The following GLCCI1 variants were observed in gnomAD, a reference collection of about 807,000 sequenced individuals.
The protein encoded by GLCCI1 is glucocorticoid-induced transcript 1 protein.
A neutral mutation model predicts 52.2 loss-of-function variants in GLCCI1; 24 were observed. The ratio of observed to expected loss-of-function variants is 0.46; its 90% CI spans 0.33 to 0.65. The LOEUF (loss-of-function observed/expected upper bound fraction) is 0.65. GLCCI1 is among the 30% of genes least tolerant of loss of function. The pLI is 0.02. For missense variants in GLCCI1, 704 were observed against 701.5 expected (o/e 1.00, Z -0.04); for synonymous variants, 310 against 276.5 (o/e 1.12, Z -1.20).
intron 1 of GLCCI1, chr7:7,980,481 A>G (rs541774678): frequency 3.1e-6 from 1 of 326,172 alleles, no homozygotes; most frequent in African/African-American, 2.1e-5. Flanking sequence ...ATTTCTTGAG[A>G]TATTACAAAA....
At chr7:7,998,291 A>G (rs1417803029) in intron 1 of GLCCI1, among the ~76,000 whole-genome samples, 1 of 151,696 alleles carries the variant, frequency 6.6e-6, no homozygotes, top group African/African-American at 2.4e-5. Context: ...ATCTTGGCTC[A>G]CTGAAACCTC....
chr7:8,023,261 C>A (rs372541746), intron 3 of GLCCI1, among the ~76,000 whole-genome samples: 4 of 152,110 alleles, frequency 2.6e-5, no homozygotes, highest in African/African-American at 9.7e-5. Context: ...GTGATCCGCC[C>A]GCCTTGGCCT....
chr7:8,054,692 C>A (rs1325237360), intron 3 of GLCCI1, among the ~76,000 whole-genome samples: 2 of 151,992 alleles, frequency 1.3e-5, no homozygotes, highest in African/African-American at 4.8e-5. Context: ...TTAACATCCT[C>A]TTTTCTACAA....
intron 5 of GLCCI1, among the ~76,000 whole-genome samples, chr7:8,063,333 A>G (rs1160103953): frequency 6.6e-6 from 1 of 151,284 alleles, no homozygotes; most frequent in East Asian, 1.9e-4. Context: ...TCTAGTAGAG[A>G]CAGGGTTTCA....
intron 5 of GLCCI1, among the ~76,000 whole-genome samples, chr7:8,069,603 T>C (rs1782708712): frequency 6.6e-6 from 1 of 152,150 alleles, no homozygotes; most frequent in Non-Finnish European, 1.5e-5. Flanking sequence ...GGCTCCTCTC[T>C]GTATGGTGAG....
At chr7:8,046,848 T>C (rs1415502104) in intron 3 of GLCCI1, among the ~76,000 whole-genome samples, 1 of 152,186 alleles carries the variant, frequency 6.6e-6, no homozygotes, top group Admixed American at 6.5e-5. Context: ...AGTTTGACTT[T>C]TTTTGTTGAC....
chr7:8,008,113 C>T (rs1781193550), intron 2 of GLCCI1, among the ~76,000 whole-genome samples: 1 of 151,772 alleles, frequency 6.6e-6, no homozygotes, highest in South Asian at 2.1e-4. Context: ...ACTCTCTTAG[C>T]AATTTTCAAG....
At chr7:8,013,382 AT>A (rs2127945889) in intron 2 of GLCCI1, among the ~76,000 whole-genome samples, 1 of 152,254 alleles carries the variant, frequency 6.6e-6, no homozygotes, top group East Asian at 1.9e-4. Context: ...TATATCATAA[AT>A]TTCCATTCTT....
At chr7:7,994,395 T>A (rs758166372) in intron 1 of GLCCI1, among the ~76,000 whole-genome samples, 1 of 152,230 alleles carries the variant, frequency 6.6e-6, no homozygotes, top group Non-Finnish European at 1.5e-5. Context: ...AATTTTACTT[T>A]GCCACTTTCA....
chr7:8,016,534 G>A (rs189977131), intron 2 of GLCCI1, among the ~76,000 whole-genome samples: 5 of 152,010 alleles, frequency 3.3e-5, no homozygotes, highest in South Asian at 2.1e-4. Context: ...CATAGTTTAC[G>A]GTATGGTATG....
intron 6 of GLCCI1, among the ~76,000 whole-genome samples, chr7:8,080,599 T>G (rs978405206): frequency 6.6e-6 from 1 of 151,428 alleles, no homozygotes; most frequent in Non-Finnish European, 1.5e-5. Flanking sequence ...TCTGCTTCTC[T>G]CTCAGAAATA....
intron 6 of GLCCI1, among the ~76,000 whole-genome samples, chr7:8,079,866 G>C (rs1365825122): frequency 6.6e-6 from 1 of 151,466 alleles, no homozygotes; most frequent in East Asian, 1.9e-4. Flanking sequence ...GTAATAAAAG[G>C]TTCTGATGTC....
intron 2 of GLCCI1, among the ~76,000 whole-genome samples, chr7:8,021,649 C>T (rs963237800): frequency 2.6e-5 from 4 of 152,128 alleles, no homozygotes; most frequent in Non-Finnish European, 5.9e-5. Context: ...GTGATCCACC[C>T]GCCTTGGCCT....
chr7:7,981,897 A>G (rs1284191271), intron 1 of GLCCI1: 1 of 464,410 alleles, frequency 2.2e-6, no homozygotes. Flanking sequence ...CTCACACACA[A>G]GTAAAAATCA....
At position 7,995,539 on chromosome 7, in the gene GLCCI1, G is replaced by A. The variant is rs1780922053; in HGVS notation, c.458-8369G>A. Among the ~76,000 whole-genome samples the A allele has an allele frequency of 2.0e-5, 3 of 152,050 alleles. No individual in the cohort carries two copies. In the South Asian group the frequency reaches 6.2e-4, roughly 32 times the overall value. On this transcript the variant is annotated intron_variant, in intron 1 of 7. Coordinates refer to ENST00000223145, the MANE Select transcript of GLCCI1 (RefSeq NM_138426.4). ...ATGATAGACTGGATTAAGAAAATGT[G>A]GCACATATACACCATGGAATACTAT...
chr7:8,013,728 C>A lies in GLCCI1; in HGVS notation c.610-8755C>A, dbSNP rs112475296. The stretch of plus-strand genomic sequence containing the variant: ...AACACATTTCTTGTTAAACTTATAT[C>A]TAAATATTTTGTCTTTTTTGGTTGC... On this transcript the variant is annotated intron_variant, in intron 2 of 7. Coordinates refer to ENST00000223145, the MANE Select transcript of GLCCI1 (RefSeq NM_138426.4). 1.4e-4 allele frequency among the ~76,000 whole-genome samples: 21 copies of A among 152,232 alleles called. 1 individual carries two copies. Among genetic ancestry groups the A allele is most frequent in the Admixed American group, 4.6e-4 (7 of 15,288 alleles).
At chr7:8,051,415 C>T (rs1782255873) in intron 3 of GLCCI1, among the ~76,000 whole-genome samples, 1 of 152,236 alleles carries the variant, frequency 6.6e-6, no homozygotes, top group Non-Finnish European at 1.5e-5. Context: ...AACCTAATTA[C>T]AGCCTTGGGC....
In GLCCI1 at chr7:8,055,554, G is replaced by GCTAA; in HGVS notation, c.813+8_813+11dup. 1 of 1,501,056 alleles carries GCTAA rather than the reference G, an allele frequency of 6.7e-7. No homozygotes were observed. Among genetic ancestry groups the GCTAA allele is most frequent in the Non-Finnish European group, 9.3e-7 (1 of 1,077,654 alleles). 93.0% of individuals were successfully genotyped at this position (1,501,056 alleles called of 1,614,324 possible). On this transcript the variant is annotated splice_donor_region_variant and intron_variant, in intron 4 of 7. Transcript: ENST00000223145. ...ATAACAATCAGTCACACTCAGGTAG[G>GCTAA]CTAACTTCTTGTCCAGATTTGAATA...
At chr7:8,064,351 G>A (rs187454625) in intron 5 of GLCCI1, among the ~76,000 whole-genome samples, 1 of 152,298 alleles carries the variant, frequency 6.6e-6, no homozygotes, top group African/African-American at 2.4e-5. Context: ...GCCATTTATT[G>A]AATAGGGAGT....
Sources: allele counts gnomAD v4.1 joint callset (sites outside exome capture counted in the v4.1 genomes callset), GRCh38; gene constraint gnomAD v4.1.1; transcripts MANE v1.5; gene names NCBI Gene and HGNC (gene_info 2026-07-23, HGNC 2026-07-21).